Variants in ROBO2 observed in about 807,000 individuals in gnomAD.
ROBO2 encodes the protein roundabout homolog 2.
A neutral mutation model predicts 160.8 loss-of-function variants in ROBO2; 53 were observed. That is an observed-to-expected ratio of 0.33 (90% CI 0.26 to 0.41). ROBO2 has a LOEUF of 0.41. Ranked by LOEUF, ROBO2 falls within the 10% of genes least tolerant of loss-of-function variation. The pLI is 1.00. For missense variants in ROBO2, 1,577 were observed against 1,722.4 expected, an observed-to-expected ratio of 0.92 and a Z score of 1.49; for synonymous variants, 664 against 611.7, an observed-to-expected ratio of 1.09 and a Z score of -1.26.
chr3:76,171,604 T>C lies in ROBO2; in HGVS notation c.109+234002T>C, dbSNP rs143173188. ...GGAGTATGTCCTCATTTATTTTTCCTCTTTTTTCTCTCCGAGCAATGCCCT... is the reference window on the plus strand; with the variant it reads ...GGAGTATGTCCTCATTTATTTTTCCCCTTTTTTCTCTCCGAGCAATGCCCT... On this transcript the variant is annotated intron_variant, in intron 2 of 26. Transcript: ENST00000487694. Among the ~76,000 whole-genome samples, 538 of 152,214 alleles carry C rather than the reference T, an allele frequency of 3.5e-3. 8 individuals are homozygous for C. The highest frequency in any genetic ancestry group is 0.026 in the Admixed American group (404 of 15,278).
chr3:77,467,623 CTATCTATCATCT>C (rs1347986200), intron 2 of ROBO2, among the ~76,000 whole-genome samples: 13 of 150,158 alleles, frequency 8.7e-5, no homozygotes, highest in South Asian at 6.4e-4. Context: ...ATCTATCTAT[CTATCTATCATCT>C]ATCTATCTAT....
chr3:77,379,730 C>G (rs1406772389), intron 2 of ROBO2, among the ~76,000 whole-genome samples: 2 of 152,158 alleles, frequency 1.3e-5, no homozygotes, highest in African/African-American at 4.8e-5. Flanking sequence ...TACTTCACTT[C>G]AATACACTCC....
chr3:76,017,727 A>G (rs1415667051), intron 2 of ROBO2, among the ~76,000 whole-genome samples: 2 of 152,118 alleles, frequency 1.3e-5, no homozygotes, highest in Admixed American at 1.3e-4. Context: ...AATTAGAAAT[A>G]AAAGTTTCTA....
At chr3:76,260,327 A>G (rs1490516310) in intron 2 of ROBO2, among the ~76,000 whole-genome samples, 2 of 152,160 alleles carry the variant, frequency 1.3e-5, no homozygotes, top group Admixed American at 6.6e-5. Context: ...GGTAATGACC[A>G]TGGAAGTAGA....
chr3:76,968,671 A>T (rs1187304188), intron 2 of ROBO2, among the ~76,000 whole-genome samples: 2 of 152,154 alleles, frequency 1.3e-5, no homozygotes, highest in East Asian at 1.9e-4. Flanking sequence ...GAATATTTTG[A>T]TTTTTAAATT....
At chr3:77,018,142 G>A (rs7619812) in intron 2 of ROBO2, among the ~76,000 whole-genome samples, 8,059 of 152,058 alleles carry the variant, frequency 0.053, 644 homozygotes, top group African/African-American at 0.18. Context: ...TCACTCTGTC[G>A]CCCAGGCTGG....
intron 2 of ROBO2, among the ~76,000 whole-genome samples, chr3:77,114,665 C>A (rs1024835386): frequency 1.3e-5 from 2 of 152,082 alleles, no homozygotes; most frequent in African/African-American, 4.8e-5. Flanking sequence ...CACCTTGTAC[C>A]AGTACTTCTG....
chr3:77,640,135 G>A (rs573565109), intron 24 of ROBO2, among the ~76,000 whole-genome samples: 20 of 90,236 alleles, frequency 2.2e-4, no homozygotes, highest in Admixed American at 1.1e-3. Context: ...TTTTTGAGAC[G>A]GAGTCTCGCT....
intron 2 of ROBO2, among the ~76,000 whole-genome samples, chr3:77,338,942 C>T (rs2153449392): frequency 6.6e-6 from 1 of 152,148 alleles, no homozygotes; most frequent in East Asian, 1.9e-4. Flanking sequence ...ATAATAGAAA[C>T]AGCCCTAGAG....
chr3:76,493,400 C>T (rs1449698512), intron 2 of ROBO2, among the ~76,000 whole-genome samples: 2 of 133,932 alleles, frequency 1.5e-5, no homozygotes, highest in African/African-American at 5.5e-5. Context: ...ATTTCATGTA[C>T]ACAACAGTAA....
intron 2 of ROBO2, among the ~76,000 whole-genome samples, chr3:76,382,682 A>C (rs2076696595): frequency 6.6e-6 from 1 of 152,240 alleles, no homozygotes; most frequent in African/African-American, 2.4e-5. Context: ...AAGGCAATGA[A>C]GTGAATACTT....
At chr3:77,484,575 T>A (rs2085119545) in intron 4 of ROBO2, among the ~76,000 whole-genome samples, 1 of 151,826 alleles carries the variant, frequency 6.6e-6, no homozygotes, top group South Asian at 2.1e-4. Context: ...TTCTGTTTTA[T>A]CTAATTATTC....
At chr3:77,076,627 C>T (rs2068036562) in intron 1 of ROBO2, among the ~76,000 whole-genome samples, 1 of 151,894 alleles carries the variant, frequency 6.6e-6, no homozygotes, top group Admixed American at 6.6e-5. Context: ...AAATGATTGC[C>T]TTAAAACTTG....
At chr3:77,353,279 G>A (rs369826850) in intron 2 of ROBO2, among the ~76,000 whole-genome samples, 3 of 152,250 alleles carry the variant, frequency 2.0e-5, no homozygotes, top group East Asian at 3.9e-4. Context: ...TGTCAATAGT[G>A]TAAAAGATTT....
intron 2 of ROBO2, among the ~76,000 whole-genome samples, chr3:77,448,136 C>T (rs375645718): frequency 8.5e-5 from 13 of 152,204 alleles, no homozygotes; most frequent in African/African-American, 3.1e-4. Context: ...TTGTGACTTG[C>T]TTTGAGAAAA....
At chr3:76,258,695 C>T (rs1706554410) in intron 2 of ROBO2, among the ~76,000 whole-genome samples, 1 of 151,956 alleles carries the variant, frequency 6.6e-6, no homozygotes, top group Admixed American at 6.6e-5. Context: ...AAATGTGTAG[C>T]TTATTTTAGT....
At chr3:76,427,936 AAT>A (rs2108990202) in intron 2 of ROBO2, among the ~76,000 whole-genome samples, 1 of 152,276 alleles carries the variant, frequency 6.6e-6, no homozygotes, top group East Asian at 1.9e-4. Flanking sequence ...CTTGAATGTA[AAT>A]ATGTTACTTG....
chr3:76,311,106 TGAG>T (rs1485133379), intron 2 of ROBO2: 1 of 152,206 alleles, frequency 6.6e-6, no homozygotes, highest in Non-Finnish European at 1.5e-5. Context: ...GACTGCGTAC[TGAG>T]GAGAAGGAGC....
chr3:76,303,143 A>G (rs2071154672), intron 2 of ROBO2, among the ~76,000 whole-genome samples: 1 of 152,118 alleles, frequency 6.6e-6, no homozygotes, highest in East Asian at 1.9e-4. Context: ...TACAGGTTCA[A>G]GCATGTTTGA....
Sources: gnomAD v4.1 joint callset for allele counts (sites outside exome capture counted in the v4.1 genomes callset) on GRCh38, gnomAD v4.1.1 for gene constraint, MANE v1.5 for transcripts, NCBI Gene and HGNC (gene_info 2026-07-23, HGNC 2026-07-21) for gene names.